Variants in GRID2 observed in about 807,000 individuals in gnomAD.
The protein encoded by GRID2 is glutamate ionotropic receptor delta type subunit 2.
A neutral mutation model predicts 114.8 loss-of-function variants in GRID2; 33 were observed. That is an observed-to-expected ratio of 0.29 (90% CI 0.22 to 0.38). The LOEUF (loss-of-function observed/expected upper bound fraction) is 0.38, where lower values mean the gene tolerates loss of function less well. GRID2 is among the 10% of genes least tolerant of loss of function. GRID2 has a pLI of 1.00. For synonymous variants in GRID2, 505 were observed against 449.9 expected (o/e 1.12, Z -1.55); for missense variants, 1,184 against 1,257.7 (o/e 0.94, Z 0.89).
In GRID2 at chr4:92,837,346, A is replaced by G. The variant is rs114549439; in HGVS notation, c.244+247060A>G. Among the ~76,000 whole-genome samples the G allele has an allele frequency of 6.0e-3, 918 of 152,126 alleles. 9 individuals are homozygous for G. The highest frequency in any genetic ancestry group is 0.021 in the African/African-American group (870 of 41,522). Reference sequence around the variant, plus strand: ...TTTAAGACCAGAAGGGTCCATTTCTATGTTTACCCAAGAACAAGTCTCCGT... The same window carrying G: ...TTTAAGACCAGAAGGGTCCATTTCTGTGTTTACCCAAGAACAAGTCTCCGT... On this transcript the variant is annotated intron_variant, in intron 2 of 15. Coordinates refer to ENST00000282020, the MANE Select transcript of GRID2 (RefSeq NM_001510.4).
intron 2 of GRID2, among the ~76,000 whole-genome samples, chr4:92,641,266 A>G (rs1207735396): frequency 6.7e-6 from 1 of 149,822 alleles, no homozygotes; most frequent in Admixed American, 6.8e-5. Context: ...ATTATATTAA[A>G]AGGAACATTG....
chr4:92,924,851 G>T (rs1199045015), intron 2 of GRID2, among the ~76,000 whole-genome samples: 2 of 152,068 alleles, frequency 1.3e-5, no homozygotes, highest in Admixed American at 6.6e-5. Context: ...TCAGCAATAA[G>T]ATCCTTTGTT....
chr4:92,418,156 C>A (rs1372887442), intron 1 of GRID2, among the ~76,000 whole-genome samples: 1 of 152,080 alleles, frequency 6.6e-6, no homozygotes, highest in East Asian at 1.9e-4. Context: ...GGTGTTCATA[C>A]ATGCTTCTCT....
At chr4:92,910,077 T>C (rs1748253669) in intron 2 of GRID2, among the ~76,000 whole-genome samples, 1 of 152,060 alleles carries the variant, frequency 6.6e-6, no homozygotes, top group Admixed American at 6.6e-5. Flanking sequence ...ATGAAGGCTG[T>C]ACTCAGTGTT....
chr4:93,654,332 T>C lies in GRID2; in HGVS notation c.2360+27897T>C, dbSNP rs1420978928. Among the ~76,000 whole-genome samples the C allele has an allele frequency of 2.0e-5, 3 of 152,160 alleles. No individual in the cohort carries two copies. In the East Asian group the frequency reaches 5.8e-4, roughly 29 times the overall value. ...ACACTTTGCAGAGTGCATTTAGTAATTTGCCATTGTAACCACTGGCACTAA... is the reference window on the plus strand; with the variant it reads ...ACACTTTGCAGAGTGCATTTAGTAACTTGCCATTGTAACCACTGGCACTAA... On this transcript the variant is annotated intron_variant, in intron 14 of 15. Transcript: ENST00000282020.
chr4:92,843,125 C>A (rs992550057), intron 2 of GRID2, among the ~76,000 whole-genome samples: 2 of 151,890 alleles, frequency 1.3e-5, no homozygotes, highest in Non-Finnish European at 2.9e-5. Context: ...TACCTGTAGT[C>A]CCAGCTACTT....
At chr4:93,150,914 G>GT (rs948483882) in intron 4 of GRID2, among the ~76,000 whole-genome samples, 2 of 151,888 alleles carry the variant, frequency 1.3e-5, no homozygotes, top group African/African-American at 4.8e-5. Context: ...ATCACTTGAG[G>GT]TTAGGAGTTC....
chr4:93,361,995 C>A (rs1349034530), intron 8 of GRID2, among the ~76,000 whole-genome samples: 1 of 152,046 alleles, frequency 6.6e-6, no homozygotes, highest in Non-Finnish European at 1.5e-5. Flanking sequence ...TTCCCCCTTC[C>A]CCCACCCCAC....
At chr4:93,399,227 A>G (rs1413657527) in intron 9 of GRID2, among the ~76,000 whole-genome samples, 3 of 152,180 alleles carry the variant, frequency 2.0e-5, no homozygotes, top group South Asian at 4.1e-4. Flanking sequence ...CCTTTCTTCT[A>G]TTGAAACTGA....
At chr4:92,537,464 C>A (rs1314435409) in intron 1 of GRID2, among the ~76,000 whole-genome samples, 2 of 152,134 alleles carry the variant, frequency 1.3e-5, no homozygotes, top group Non-Finnish European at 2.9e-5. Flanking sequence ...AATTACCAAT[C>A]TTCAATTATG....
intron 2 of GRID2, among the ~76,000 whole-genome samples, chr4:92,958,119 C>CTTT (rs1752541873): frequency 6.6e-6 from 1 of 152,020 alleles, no homozygotes; most frequent in African/African-American, 2.4e-5. Flanking sequence ...TTTAATTCTT[C>CTTT]TACACCAGTA....
intron 2 of GRID2, among the ~76,000 whole-genome samples, chr4:92,750,114 G>A (rs764857782): frequency 6.6e-6 from 1 of 152,036 alleles, no homozygotes; most frequent in Non-Finnish European, 1.5e-5. Context: ...GCCCACCTCG[G>A]CCTACCAAAG....
rs369271681 is a variant in GRID2 at position 93,591,565 on chromosome 4, C to T, written c.2194-34704C>T. 6.6e-5 allele frequency among the ~76,000 whole-genome samples: 10 copies of T among 152,198 alleles called. No individual in the cohort carries two copies. In the East Asian group the frequency reaches 1.7e-3, roughly 26 times the overall value. On this transcript the variant is annotated intron_variant, in intron 13 of 15. Coordinates refer to ENST00000282020, the MANE Select transcript of GRID2 (RefSeq NM_001510.4). ...GGCTTTGGTATCAGAATGATGCTGG[C>T]CTCATAAAATGAGTTAGGGAGGATT...
At chr4:93,381,362 A>G (rs181738148) in intron 8 of GRID2, among the ~76,000 whole-genome samples, 170 of 152,254 alleles carry the variant, frequency 1.1e-3, no homozygotes, top group Non-Finnish European at 1.8e-3. Flanking sequence ...TTCACTTAGC[A>G]TAATGTCCTC....
chr4:92,598,714 G>T (rs985188784), intron 2 of GRID2, among the ~76,000 whole-genome samples: 1 of 152,106 alleles, frequency 6.6e-6, no homozygotes, highest in Admixed American at 6.6e-5. Context: ...ATATGATTAT[G>T]TGATTATTGT....
chr4:93,287,911 G>A (rs1200737851), intron 8 of GRID2, among the ~76,000 whole-genome samples: 1 of 152,168 alleles, frequency 6.6e-6, no homozygotes, highest in African/African-American at 2.4e-5. Flanking sequence ...TGCGTTTTGA[G>A]TAAACAGTTG....
intron 2 of GRID2, among the ~76,000 whole-genome samples, chr4:92,867,380 A>C (rs989951967): frequency 2.0e-5 from 3 of 152,134 alleles, no homozygotes; most frequent in Admixed American, 6.5e-5. Context: ...AATATGTCAA[A>C]CACCACCAAG....
At chr4:93,342,625 G>T (rs1372323940) in intron 8 of GRID2, among the ~76,000 whole-genome samples, 2 of 152,110 alleles carry the variant, frequency 1.3e-5, no homozygotes, top group Non-Finnish European at 2.9e-5. Context: ...ATTGATGAAA[G>T]AGGAATAGGC....
At chr4:92,409,816 TACTTAGAGTTTGTTCA>T (rs767334181) in intron 1 of GRID2, among the ~76,000 whole-genome samples, 30 of 152,296 alleles carry the variant, frequency 2.0e-4, no homozygotes, top group Admixed American at 2.0e-4. Context: ...AGTTACAATG[TACTTAGAGTTTGTTCA>T]ACAGGGTGTG....
Sources: allele counts gnomAD v4.1 joint callset (sites outside exome capture counted in the v4.1 genomes callset), GRCh38; gene constraint gnomAD v4.1.1; transcripts MANE v1.5; gene names NCBI Gene and HGNC (gene_info 2026-07-23, HGNC 2026-07-21).